The following KCTD20 variants were observed in gnomAD, a reference collection of about 807,000 sequenced individuals.
KCTD20 encodes potassium channel tetramerization domain containing 20.
In KCTD20, 30 loss-of-function variants were observed where a neutral mutation model predicts 39.6. The observed-to-expected ratio is 0.76, with a 90% CI of 0.57 to 1.03. The LOEUF is 1.03. Ranked by LOEUF, KCTD20 falls within the 50% of genes least tolerant of loss-of-function variation. The probability of loss-of-function intolerance (pLI) is 0.00; values close to 1 mark genes in which losing one functional copy is unlikely to be tolerated. For missense variants in KCTD20, 422 were observed against 522.0 expected, an observed-to-expected ratio of 0.81 and a Z score of 1.87; for synonymous variants, 162 against 180.6, an observed-to-expected ratio of 0.90 and a Z score of 0.83.
chr6:36,484,766 T>A lies in KCTD20; in HGVS notation c.909T>A (p.Asp303Glu). 1 of 1,609,460 alleles carries A rather than the reference T, an allele frequency of 6.2e-7. No homozygotes were observed. The highest frequency in any genetic ancestry group is 1.1e-5 in the South Asian group (1 of 90,480). The change falls in exon 7 of 8, where the codon GAT becomes GAA. Residue 303 changes from aspartate to glutamate, a missense_variant. Transcript: ENST00000373731. ...TCTTCAAATATATTGAGAATAGGGATGTTGCAAAAACAGTGTTAAAGGAAC... is the reference window on the plus strand; with the variant it reads ...TCTTCAAATATATTGAGAATAGGGAAGTTGCAAAAACAGTGTTAAAGGAAC... ...YRFFKYIENR[D>E]VAKTVLKERG...
At chr6:36,472,771 G>C (rs1775949519) in intron 2 of KCTD20, among the ~76,000 whole-genome samples, 1 of 151,980 alleles carries the variant, frequency 6.6e-6, no homozygotes, top group South Asian at 2.1e-4. Context: ...TGAGGAGACT[G>C]CCTATTTAAA....
At chr6:36,474,333 G>T (rs1027612092) in intron 2 of KCTD20, among the ~76,000 whole-genome samples, 6 of 150,296 alleles carry the variant, frequency 4.0e-5, no homozygotes, top group Admixed American at 2.0e-4. Flanking sequence ...TTAGTAGCAG[G>T]TTCCTTAAAT....
At position 36,488,729 on chromosome 6, in the gene KCTD20, C is replaced by T. The variant is rs923711153; in HGVS notation, c.*1554C>T. 5.9e-5 allele frequency: 9 copies of T among 152,198 alleles called. No homozygotes were observed. Among genetic ancestry groups the T allele is most frequent in the African/African-American group, 1.2e-4 (5 of 41,438 alleles). The allele number at this position is 152,198 out of a possible 1,614,324, so 9.4% of individuals were successfully genotyped here. A position where few individuals can be genotyped will look rare whatever the true frequency, so the allele number is the denominator to read the frequency against. On this transcript the variant is annotated 3_prime_UTR_variant, in exon 8 of 8. Coordinates refer to ENST00000373731, the MANE Select transcript of KCTD20 (RefSeq NM_173562.5). ...TGCTCATCCTGTGTAGGAGAGGCTA[C>T]TCGATTCCATTTAATGACTGTCCTA...
In KCTD20 at chr6:36,474,923, A is replaced by G; in HGVS notation, c.295A>G (p.Arg99Gly). 1 of 1,614,210 alleles carries G rather than the reference A, an allele frequency of 6.2e-7. No individual in the cohort carries two copies. The highest frequency in any genetic ancestry group is 8.5e-7 in the Non-Finnish European group (1 of 1,180,038). Residue 99 changes from arginine to glycine, a missense_variant, in exon 3 of 8, where the codon AGA (arginine) becomes GGA (glycine). By Grantham distance (125) the Arg-to-Gly change is moderately radical. Coordinates refer to ENST00000373731, the MANE Select transcript of KCTD20 (RefSeq NM_173562.5). The stretch of plus-strand genomic sequence containing the variant: ...CCATGAACCTTTTATTGCTCCAGAA[A>G]GATTTGGAAACAGTAGTGTGGGCTT... ...RNHEPFIAPE[R>G]FGNSSVGFGS...
chr6:36,446,708 A>G (rs556936878), intron 1 of KCTD20, among the ~76,000 whole-genome samples: 26 of 152,386 alleles, frequency 1.7e-4, no homozygotes, highest in African/African-American at 5.8e-4. Flanking sequence ...TTAATGGAAA[A>G]TGAGATTATT....
chr6:36,476,854 C>G (rs1264743797), intron 3 of KCTD20, among the ~76,000 whole-genome samples: 2 of 152,154 alleles, frequency 1.3e-5, no homozygotes, highest in Non-Finnish European at 2.9e-5. Flanking sequence ...GGTTTGACTT[C>G]CTGTTCTCAG....
intron 1 of KCTD20, among the ~76,000 whole-genome samples, chr6:36,450,209 C>CG (rs1325711529): frequency 6.8e-6 from 1 of 146,438 alleles, no homozygotes; most frequent in Non-Finnish European, 1.5e-5. Context: ...GTATTGGGGC[C>CG]GGGTGCAATG....
At chr6:36,446,627 T>C (rs1432684007) in intron 1 of KCTD20, among the ~76,000 whole-genome samples, 1 of 152,158 alleles carries the variant, frequency 6.6e-6, no homozygotes, top group East Asian at 1.9e-4. Context: ...TCTGTATTAT[T>C]TTAAAAATTA....
intron 6 of KCTD20, 128 bp from the exon 7 acceptor site, chr6:36,484,586 T>A (rs1320530597): frequency 3.5e-6 from 2 of 564,058 alleles, no homozygotes; most frequent in Non-Finnish European, 3.2e-6. Context: ...TAACATTTAA[T>A]CTTTGATCCA....
At chr6:36,458,541 C>CAAAAAAA (rs1174858102) in intron 1 of KCTD20, among the ~76,000 whole-genome samples, 1 of 66,866 alleles carries the variant, frequency 1.5e-5, no homozygotes, top group Non-Finnish European at 3.2e-5. Context: ...AACTCCATCT[C>CAAAAAAA]AAAAAAAAAA....
At chr6:36,476,922 C>T (rs1776080917) in intron 3 of KCTD20, among the ~76,000 whole-genome samples, 1 of 152,108 alleles carries the variant, frequency 6.6e-6, no homozygotes, top group Non-Finnish European at 1.5e-5. Flanking sequence ...TGCAGGCTGG[C>T]TGTTTTAGGT....
At chr6:36,447,864 G>A (rs114278794) in intron 1 of KCTD20, among the ~76,000 whole-genome samples, 1,899 of 151,410 alleles carry the variant, frequency 0.013, 37 homozygotes, top group African/African-American at 0.043. Context: ...GGTGGTGTGC[G>A]CCTTTAATCC....
intron 3 of KCTD20, 102 bp from the exon 4 acceptor site, chr6:36,479,019 A>G: frequency 1.3e-6 from 1 of 753,232 alleles, no homozygotes; most frequent in Non-Finnish European, 2.3e-6. Flanking sequence ...ATACTATGAG[A>G]GAGTGGGATG....
At chr6:36,460,106 T>G (rs748085344) in intron 1 of KCTD20, among the ~76,000 whole-genome samples, 1 of 152,160 alleles carries the variant, frequency 6.6e-6, no homozygotes, top group Non-Finnish European at 1.5e-5. Context: ...GAAATTCTAT[T>G]ATATGTTGAC....
chr6:36,487,094 G>A lies in KCTD20; in HGVS notation c.1179G>A (p.Met393Ile). 3.7e-6 allele frequency: 6 copies of A among 1,614,166 alleles called. No individual in the cohort carries two copies. The highest frequency in any genetic ancestry group is 4.2e-6 in the Non-Finnish European group (5 of 1,180,020). ...DDVLEDQEILMHHPPQVDELD... is the reference protein window; with the variant it reads ...DDVLEDQEILIHHPPQVDELD... ...TCTTGGAGGACCAGGAGATATTAAT[G>A]CATCACCCACCCCAAGTGGATGAAC... Residue 393 changes from methionine to isoleucine, a missense_variant, in exon 8 of 8, where the codon ATG becomes ATA. Transcript: ENST00000373731.
At chr6:36,467,787 G>A (rs1252878108) in intron 1 of KCTD20, among the ~76,000 whole-genome samples, 6 of 152,082 alleles carry the variant, frequency 3.9e-5, no homozygotes, top group African/African-American at 1.4e-4. Context: ...TGATAGGGAG[G>A]AGAGTAAAAT....
chr6:36,458,368 G>A (rs913370656), intron 1 of KCTD20, among the ~76,000 whole-genome samples: 7 of 151,368 alleles, frequency 4.6e-5, no homozygotes, highest in African/African-American at 1.7e-4. Flanking sequence ...GAGAAACCCC[G>A]TCTCTACTAA....
intron 5 of KCTD20, among the ~76,000 whole-genome samples, chr6:36,480,182 T>C (rs1334671784): frequency 1.3e-5 from 2 of 152,164 alleles, no homozygotes; most frequent in Admixed American, 1.3e-4. Context: ...CTAACCCTTT[T>C]CCTCTCTTAG....
intron 1 of KCTD20, among the ~76,000 whole-genome samples, chr6:36,468,632 T>C (rs907039398): frequency 2.0e-4 from 31 of 152,256 alleles, no homozygotes; most frequent in African/African-American, 6.5e-4. Context: ...CTTGAAGGCA[T>C]TGGTGGTTCT....
Sources: allele counts gnomAD v4.1 joint callset (sites outside exome capture counted in the v4.1 genomes callset), GRCh38; gene constraint gnomAD v4.1.1; transcripts MANE v1.5; gene names NCBI Gene and HGNC (gene_info 2026-07-23, HGNC 2026-07-21).